The following RRS1 variants were observed in gnomAD, a reference collection of about 807,000 sequenced individuals.
RRS1 encodes the protein ribosome biogenesis regulatory protein homolog.
RRS1 carries 10 observed loss-of-function variants against 23.1 expected under a neutral mutation model. That is an observed-to-expected ratio of 0.43 (90% CI 0.27 to 0.74). The LOEUF (loss-of-function observed/expected upper bound fraction) is 0.74. RRS1 is among the 30% of genes least tolerant of loss of function. RRS1 has a pLI of 0.19. For synonymous variants in RRS1, 198 were observed against 207.7 expected, an observed-to-expected ratio of 0.95 and a Z score of 0.40; for missense variants, 485 against 484.3, an observed-to-expected ratio of 1.00 and a Z score of -0.01.
Position 66,430,291 on chromosome 8 carries a change from T to C in RRS1, c.*62T>C, listed in dbSNP as rs1805200070. On this transcript the variant is annotated 3_prime_UTR_variant, in exon 1 of 1. Coordinates refer to ENST00000320270, the MANE Select transcript of RRS1 (RefSeq NM_015169.4). ...ACTATGAATACTAAATGTTAAGTTC[T>C]AGGCAATTATACGGGGACTCAGAAG... 1 of 1,566,606 alleles carries C rather than the reference T, an allele frequency of 6.4e-7. No homozygotes were observed. The highest frequency in any genetic ancestry group is 8.7e-7 in the Non-Finnish European group (1 of 1,149,254).
Position 66,429,838 on chromosome 8 carries a change from A to G in RRS1, c.707A>G (p.Gln236Arg). The G allele has an allele frequency of 6.2e-7, 1 of 1,613,482 alleles. No homozygotes were observed. The highest frequency in any genetic ancestry group is 8.5e-7 in the Non-Finnish European group (1 of 1,180,000). The change falls in exon 1 of 1, where the codon CAG becomes CGG. Residue 236 changes from glutamine to arginine, a missense_variant. Coordinates refer to ENST00000320270, the MANE Select transcript of RRS1 (RefSeq NM_015169.4). This position sits in a 1 kb window ranked among gnomAD's most constrained non-coding sequence, Gnocchi z 5.1. ...KVSTASVGRF[Q>R]ERLPKEKVPR... ...TCCACCGCCTCTGTGGGGCGCTTTC[A>G]GGAGCGCCTCCCCAAGGAGAAGGTG...
Position 66,430,070 on chromosome 8 carries a change from G to A in RRS1, c.939G>A (p.Lys313=). The A allele has an allele frequency of 6.2e-7, 1 of 1,611,096 alleles. No individual in the cohort carries two copies. The highest frequency in any genetic ancestry group is 8.5e-7 in the Non-Finnish European group (1 of 1,179,154). ...AAATGAGCCAGAAGGGCAAGAGAAAGGGAGGCCGGCAGGGGCCTGGGGGCA... is the reference window on the plus strand; with the variant it reads ...AAATGAGCCAGAAGGGCAAGAGAAAAGGAGGCCGGCAGGGGCCTGGGGGCA... ...RRKMSQKGKR[K]GGRQGPGGKR... Residue 313 remains lysine, a synonymous_variant, in exon 1 of 1, where the codon AAG becomes AAA. Transcript: ENST00000320270.
chr8:66,429,890 G>T lies in RRS1; in HGVS notation c.759G>T (p.Lys253Asn). The T allele has an allele frequency of 6.2e-7, 1 of 1,614,114 alleles. No homozygotes were observed. Among genetic ancestry groups the T allele is most frequent in the African/African-American group, 1.3e-5 (1 of 75,052 alleles). Residue 253 changes from lysine (K) to asparagine (N), a missense_variant, in exon 1 of 1, where the codon AAG (lysine) becomes AAT (asparagine). Coordinates refer to ENST00000320270, the MANE Select transcript of RRS1 (RefSeq NM_015169.4). The surrounding 1 kb of genome is among the most constrained non-coding windows in gnomAD (Gnocchi z 5.1). ...KVPRGSGKKR[K>N]FQPLFGDFAA... ...CCCGGGGCTCCGGCAAGAAAAGGAA[G>T]TTTCAACCCCTTTTCGGGGACTTTG...
Position 66,429,433 on chromosome 8 carries a change from G to GA in RRS1, c.303dup (p.Glu102ArgfsTer58), listed in dbSNP as rs1293193090. The GA allele has an allele frequency of 1.3e-6, 2 of 1,553,482 alleles. No homozygotes were observed. Among genetic ancestry groups the GA allele is most frequent in the Non-Finnish European group, 1.7e-6 (2 of 1,148,650 alleles). ...CCGGAGCCCACCACACGCCTGCCGC[G>GA]AGAGAAGCCTCTGCCCCGACCGCGG... On this transcript the variant is annotated frameshift_variant, in exon 1 of 1. Coordinates refer to ENST00000320270, the MANE Select transcript of RRS1 (RefSeq NM_015169.4). LOFTEE classifies it high-confidence loss of function. The surrounding 1 kb of genome is among the most constrained non-coding windows in gnomAD (Gnocchi z 5.1).
At position 66,429,167 on chromosome 8, in the gene RRS1, G is replaced by A. The variant is rs751016764; in HGVS notation, c.36G>A (p.Lys12=). The A allele has an allele frequency of 1.9e-6, 3 of 1,612,990 alleles. No homozygotes were observed. In the South Asian group the frequency reaches 3.3e-5, roughly 18 times the overall value. Residue 12 remains lysine, a synonymous_variant, in exon 1 of 1, where the codon AAG becomes AAA. Transcript: ENST00000320270. The surrounding 1 kb of genome is among the most constrained non-coding windows in gnomAD (Gnocchi z 5.1). The part of the protein sequence containing the change: ...EGQSVEELLA[K]AEQDEAEKLQ... ...AGAGCGTGGAGGAGCTGCTCGCAAA[G>A]GCAGAGCAGGACGAGGCAGAGAAGT...
chr8:66,429,608 G>C lies in RRS1; in HGVS notation c.477G>C (p.Glu159Asp). Residue 159 changes from glutamate (E) to aspartate (D), a missense_variant, in exon 1 of 1, where the codon GAG becomes GAC. By Grantham distance (45) the Glu-to-Asp change is conservative (BLOSUM62 2). Transcript: ENST00000320270. This position sits in a 1 kb window ranked among gnomAD's most constrained non-coding sequence, Gnocchi z 5.1. ...ACGACACCAAAGAATGGCTGATTGAGGTGCCCGGCAATGCCGACCCCTTGG... is the reference window on the plus strand; with the variant it reads ...ACGACACCAAAGAATGGCTGATTGACGTGCCCGGCAATGCCGACCCCTTGG... Reference protein sequence around the residue: ...ARDDTKEWLIEVPGNADPLED... With the variant: ...ARDDTKEWLIDVPGNADPLED... The C allele has an allele frequency of 1.2e-6, 2 of 1,613,262 alleles. No individual in the cohort carries two copies. Among genetic ancestry groups the C allele is most frequent in the Non-Finnish European group, 1.7e-6 (2 of 1,180,016 alleles).
At position 66,429,034 on chromosome 8, in the gene RRS1, C is replaced by G; in HGVS notation, c.-98C>G. ...CCTTTCTTTTCCGGATTGGGCATCC[C>G]GGCATCTGCACGTGGTTATGCTGCC... On this transcript the variant is annotated 5_prime_UTR_variant, in exon 1 of 1. Transcript: ENST00000320270. This position sits in a 1 kb window ranked among gnomAD's most constrained non-coding sequence, Gnocchi z 5.1. 1.3e-6 allele frequency: 2 copies of G among 1,483,896 alleles called. No individual in the cohort carries two copies. The allele number at this position is 1,483,896 out of a possible 1,614,324, so 91.9% of individuals were successfully genotyped here. A position where few individuals can be genotyped will look rare whatever the true frequency, so the allele number is the denominator to read the frequency against.
Position 66,429,980 on chromosome 8 carries a change from T to C in RRS1, c.849T>C (p.Asp283=), listed in dbSNP as rs939891222. Residue 283 remains aspartate (D), a synonymous_variant, in exon 1 of 1, where the codon GAT becomes GAC. Coordinates refer to ENST00000320270, the MANE Select transcript of RRS1 (RefSeq NM_015169.4). This position sits in a 1 kb window ranked among gnomAD's most constrained non-coding sequence, Gnocchi z 5.1. ...TGAACAGCAAGAAGCCTCAGCTGGA[T>C]GTGACTAGGGCCACCAATAAGCAGA... ...RVMNSKKPQL[D]VTRATNKQMR... is the part of the protein sequence containing the mutation. 6.2e-7 allele frequency: 1 copy of C among 1,613,996 alleles called. No homozygotes were observed. Among genetic ancestry groups the C allele is most frequent in the Non-Finnish European group, 8.5e-7 (1 of 1,179,980 alleles).
Position 66,429,519 on chromosome 8 carries a change from A to G in RRS1, c.388A>G (p.Asn130Asp), listed in dbSNP as rs1181496351. Residue 130 changes from asparagine (N) to aspartate (D), a missense_variant, in exon 1 of 1, where the codon AAC becomes GAC. Coordinates refer to ENST00000320270, the MANE Select transcript of RRS1 (RefSeq NM_015169.4). The surrounding 1 kb of genome is among the most constrained non-coding windows in gnomAD (Gnocchi z 5.1). ...LKGIRPKKKTNLVWDEVSGQW... is the reference protein window; with the variant it reads ...LKGIRPKKKTDLVWDEVSGQW... ...GGGCATCCGTCCCAAGAAGAAGACC[A>G]ACCTGGTGTGGGACGAGGTGAGTGG... The G allele has an allele frequency of 1.2e-6, 2 of 1,611,272 alleles. No homozygotes were observed. The highest frequency in any genetic ancestry group is 2.2e-5 in the East Asian group (1 of 44,776).
In RRS1 at chr8:66,429,833, C is replaced by G. The variant is rs369563321; in HGVS notation, c.702C>G (p.Arg234=). ...AGGTCTCCACCGCCTCTGTGGGGCG[C>G]TTTCAGGAGCGCCTCCCCAAGGAGA... is the stretch of plus-strand genomic sequence containing the variant. ...VAKVSTASVG[R]FQERLPKEKV... is the part of the protein sequence containing the mutation. Residue 234 remains arginine, a synonymous_variant, in exon 1 of 1, where the codon CGC becomes CGG. Transcript: ENST00000320270. This position sits in a 1 kb window ranked among gnomAD's most constrained non-coding sequence, Gnocchi z 5.1. The G allele has an allele frequency of 1.9e-6, 3 of 1,613,320 alleles. No homozygotes were observed. Among genetic ancestry groups the G allele is most frequent in the Non-Finnish European group, 2.5e-6 (3 of 1,180,030 alleles).
rs1196790152 is a variant in RRS1 at position 66,429,846 on chromosome 8, C to T, written c.715C>T (p.Leu239Phe). 2 of 1,613,442 alleles carry T rather than the reference C, an allele frequency of 1.2e-6. No individual in the cohort carries two copies. Among genetic ancestry groups the T allele is most frequent in the Admixed American group, 1.7e-5 (1 of 59,984 alleles). ...TASVGRFQER[L>F]PKEKVPRGSG... is the part of the protein sequence containing the mutation. ...CTCTGTGGGGCGCTTTCAGGAGCGC[C>T]TCCCCAAGGAGAAGGTGCCCCGGGG... The change falls in exon 1 of 1, where the codon CTC (leucine) becomes TTC (phenylalanine). Residue 239 changes from leucine to phenylalanine, a missense_variant. Physicochemically the swap from Leu to Phe is conservative, Grantham distance 22. Transcript: ENST00000320270. The surrounding 1 kb of genome is among the most constrained non-coding windows in gnomAD (Gnocchi z 5.1).
At position 66,429,253 on chromosome 8, in the gene RRS1, C is replaced by T. The variant is rs1197087839; in HGVS notation, c.122C>T (p.Ala41Val). 3.1e-6 allele frequency: 5 copies of T among 1,598,780 alleles called. No homozygotes were observed. Among genetic ancestry groups the T allele is most frequent in the Non-Finnish European group, 4.3e-6 (5 of 1,172,960 alleles). Reference protein sequence around the residue: ...ELQFDLGNLLASDRNPPTGLR... With the variant: ...ELQFDLGNLLVSDRNPPTGLR... ...CAGTTTGACCTGGGCAACCTGCTGG[C>T]GTCGGACCGGAACCCCCCGACCGGG... The change falls in exon 1 of 1, where the codon GCG becomes GTG. Residue 41 changes from alanine to valine, a missense_variant. Ala to Val is a moderately conservative substitution (Grantham distance 64). Coordinates refer to ENST00000320270, the MANE Select transcript of RRS1 (RefSeq NM_015169.4). The surrounding 1 kb of genome is among the most constrained non-coding windows in gnomAD (Gnocchi z 5.1).
rs1271901779 is a variant in RRS1, at chr8:66,430,513, T to C, written c.*284T>C. ...AATGAGTTCTATTCTTAAACAGCCT[T>C]TTTTTTTCTTTTTAATGTTGGATAT... On this transcript the variant is annotated 3_prime_UTR_variant, in exon 1 of 1. Transcript: ENST00000320270. 2.6e-6 allele frequency: 1 copy of C among 389,090 alleles called. No individual in the cohort carries two copies. The highest frequency in any genetic ancestry group is 4.7e-6 in the Non-Finnish European group (1 of 210,604). The allele number at this position is 389,090 out of a possible 1,614,324, so 24.1% of individuals were successfully genotyped here.
Position 66,430,304 on chromosome 8 carries a change from G to A in RRS1, c.*75G>A. On this transcript the variant is annotated 3_prime_UTR_variant, in exon 1 of 1. Coordinates refer to ENST00000320270, the MANE Select transcript of RRS1 (RefSeq NM_015169.4). ...AATGTTAAGTTCTAGGCAATTATAC[G>A]GGGACTCAGAAGGACCTGGCCGCTG... 1.3e-6 allele frequency: 2 copies of A among 1,515,400 alleles called. No homozygotes were observed. The highest frequency in any genetic ancestry group is 2.5e-5 in the South Asian group (2 of 81,330). The allele number at this position is 1,515,400 out of a possible 1,614,324, so 93.9% of individuals were successfully genotyped here.
In RRS1 at chr8:66,430,250, C is replaced by T. The variant is rs777034051; in HGVS notation, c.*21C>T. 18 of 1,612,810 alleles carry T rather than the reference C, an allele frequency of 1.1e-5. No individual in the cohort carries two copies. The Admixed American group carries it at 2.3e-4, about 21-fold the overall frequency. On this transcript the variant is annotated 3_prime_UTR_variant, in exon 1 of 1. Transcript: ENST00000320270. ...AGTAATAGTTTCTAACTGTCGGACC[C>T]GTCTGTAAACCAAGGACTATGAATA...
At position 66,429,288 on chromosome 8, in the gene RRS1, G is replaced by A. The variant is rs1219897348; in HGVS notation, c.157G>A (p.Ala53Thr). The A allele has an allele frequency of 6.4e-7, 1 of 1,569,640 alleles. No homozygotes were observed. The highest frequency in any genetic ancestry group is 8.6e-7 in the Non-Finnish European group (1 of 1,157,540). Residue 53 changes from alanine (A) to threonine (T), a missense_variant, in exon 1 of 1, where the codon GCC (alanine) becomes ACC (threonine). Transcript: ENST00000320270. The surrounding 1 kb of genome is among the most constrained non-coding windows in gnomAD (Gnocchi z 5.1). ...DRNPPTGLRC[A>T]GPTPEAELQA... ...GAACCCCCCGACCGGGCTGCGGTGCGCCGGACCCACGCCGGAGGCCGAGCT... is the reference window on the plus strand; with the variant it reads ...GAACCCCCCGACCGGGCTGCGGTGCACCGGACCCACGCCGGAGGCCGAGCT...
In RRS1 at chr8:66,430,039, G is replaced by A. The variant is rs1486588421; in HGVS notation, c.908G>A (p.Arg303Lys). 1 of 1,610,608 alleles carries A rather than the reference G, an allele frequency of 6.2e-7. No individual in the cohort carries two copies. Among genetic ancestry groups the A allele is most frequent in the Non-Finnish European group, 8.5e-7 (1 of 1,178,866 alleles). ...GAGGACCAGGAGGAGGCCGCCAAGA[G>A]GAGGAAAATGAGCCAGAAGGGCAAG... Reference protein sequence around the residue: ...REEDQEEAAKRRKMSQKGKRK... With the variant: ...REEDQEEAAKKRKMSQKGKRK... Residue 303 changes from arginine to lysine, a missense_variant, in exon 1 of 1, where the codon AGG (arginine) becomes AAG (lysine). Physicochemically the swap from Arg to Lys is conservative, Grantham distance 26. Coordinates refer to ENST00000320270, the MANE Select transcript of RRS1 (RefSeq NM_015169.4).
Position 66,429,564 on chromosome 8 carries a change from G to T in RRS1, c.433G>T (p.Gly145Cys). The T allele has an allele frequency of 6.2e-7, 1 of 1,611,888 alleles. No homozygotes were observed. The highest frequency in any genetic ancestry group is 1.1e-5 in the South Asian group (1 of 90,990). The change falls in exon 1 of 1, where the codon GGC (glycine) becomes TGC (cysteine). Residue 145 changes from glycine (G) to cysteine (C), a missense_variant. Coordinates refer to ENST00000320270, the MANE Select transcript of RRS1 (RefSeq NM_015169.4). This position sits in a 1 kb window ranked among gnomAD's most constrained non-coding sequence, Gnocchi z 5.1. ...EVSGQWRRRW[G>C]YQRARDDTKE... ...GAGTGGCCAGTGGCGGCGGCGCTGG[G>T]GCTACCAGCGCGCCCGGGACGACAC... is the stretch of plus-strand genomic sequence containing the variant.
chr8:66,429,719 G>A lies in RRS1; in HGVS notation c.588G>A (p.Ala196=), dbSNP rs765270339. 7 of 1,612,716 alleles carry A rather than the reference G, an allele frequency of 4.3e-6. No homozygotes were observed. In the East Asian group the frequency reaches 1.3e-4, roughly 31 times the overall value. ...ACCGGCTGCGTAACCTGGCCCGCGC[G>A]CACAAGATGCAGCTGCCCAGCGCGG... is the stretch of plus-strand genomic sequence containing the variant. ...ELNRLRNLAR[A]HKMQLPSAAG... The change falls in exon 1 of 1, where the codon GCG becomes GCA. Residue 196 remains alanine, a synonymous_variant. Coordinates refer to ENST00000320270, the MANE Select transcript of RRS1 (RefSeq NM_015169.4). This position sits in a 1 kb window ranked among gnomAD's most constrained non-coding sequence, Gnocchi z 5.1.
Sources: gnomAD v4.1 joint callset for allele counts on GRCh38, gnomAD v4.1.1 for gene constraint, Gnocchi (gnomAD v3.1) non-coding constraint, MANE v1.5 for transcripts, NCBI Gene and HGNC (gene_info 2026-07-23, HGNC 2026-07-21) for gene names.